The following TASOR2 variants were observed in gnomAD, a reference collection of about 807,000 sequenced individuals.
TASOR2 encodes the protein protein TASOR 2.
TASOR2 carries 84 observed loss-of-function variants against 199.5 expected under a neutral mutation model. The ratio of observed to expected loss-of-function variants is 0.42; its 90% CI spans 0.35 to 0.50. The LOEUF (loss-of-function observed/expected upper bound fraction) is 0.50. Ranked by LOEUF, TASOR2 falls within the 20% of genes least tolerant of loss-of-function variation. The pLI, the probability that TASOR2 is intolerant of heterozygous loss-of-function variation, is 0.02. For missense variants in TASOR2, 2,796 were observed against 2,835.9 expected, an observed-to-expected ratio of 0.99 and a Z score of 0.32; for synonymous variants, 1,103 against 1,046.6, an observed-to-expected ratio of 1.05 and a Z score of -1.04.
chr10:5,746,806 G>A lies in TASOR2; in HGVS notation c.3385G>A (p.Val1129Ile), dbSNP rs1370299638. The A allele has an allele frequency of 9.9e-6, 16 of 1,614,090 alleles. No homozygotes were observed. Among genetic ancestry groups the A allele is most frequent in the Non-Finnish European group, 1.4e-5 (16 of 1,180,038 alleles). The change falls in exon 15 of 21, where the codon GTA becomes ATA. Residue 1129 changes from valine (V) to isoleucine (I), a missense_variant. Physicochemically the swap from Val to Ile is conservative, Grantham distance 29. Transcript: ENST00000328090. ...CACTAAGTACCTTTGTGCCTCGTCAGTAGGTGGAGAGACACTTGATAAAGC... is the reference window on the plus strand; with the variant it reads ...CACTAAGTACCTTTGTGCCTCGTCAATAGGTGGAGAGACACTTGATAAAGC...
In TASOR2 at chr10:5,685,016, G is replaced by C. The variant is rs1269699358; in HGVS notation, c.-447G>C. ...GCTGGGGCGGACGGCGTGCCCCTGA[G>C]GGGGGTCCCCGCGGGAGCGCGGAGC... is the stretch of plus-strand genomic sequence containing the variant. On this transcript the variant is annotated 5_prime_UTR_variant, in exon 1 of 21. Transcript: ENST00000328090. This position sits in a 1 kb window ranked among gnomAD's most constrained non-coding sequence, Gnocchi z 5.4. The C allele has an allele frequency of 1.3e-5, 5 of 397,640 alleles. No individual in the cohort carries two copies. The highest frequency in any genetic ancestry group is 2.5e-4 in the South Asian group (2 of 7,864). The allele number at this position is 397,640 out of a possible 1,614,324, so 24.6% of individuals were successfully genotyped here. A position where few individuals can be genotyped will look rare whatever the true frequency, so the allele number is the denominator to read the frequency against.
Position 5,699,026 on chromosome 10 carries a change from C to G in TASOR2, c.-287-13797C>G, listed in dbSNP as rs996784553. Among the ~76,000 whole-genome samples, 5 of 152,156 alleles carry G rather than the reference C, an allele frequency of 3.3e-5. No individual in the cohort carries two copies. Among genetic ancestry groups the G allele is most frequent in the Non-Finnish European group, 5.9e-5 (4 of 68,012 alleles). Reference sequence around the variant, plus strand: ...AAACATGTTCACATAAAAACTTATACATGAATGCTCATAGCATAATTATTC... The same window carrying G: ...AAACATGTTCACATAAAAACTTATAGATGAATGCTCATAGCATAATTATTC... On this transcript the variant is annotated intron_variant, in intron 1 of 20. Coordinates refer to ENST00000328090, the Ensembl canonical transcript of TASOR2. The surrounding 1 kb of genome is among the most constrained non-coding windows in gnomAD (Gnocchi z 4.1).
Position 5,717,513 on chromosome 10 carries a change from C to T in TASOR2, c.-191-146C>T, listed in dbSNP as rs1564286641. 1.3e-5 allele frequency: 5 copies of T among 379,006 alleles called. No individual in the cohort carries two copies. The East Asian group carries it at 1.5e-4, about 11-fold the overall frequency. The allele number at this position is 379,006 out of a possible 1,614,324, so 23.5% of individuals were successfully genotyped here. ...GCCCTGAAGCCTGTCCTTTCTTCCT[C>T]GTTTTTCACTGCTGCTGCCTTGTTG... On this transcript the variant is annotated intron_variant, in intron 2 of 20. Transcript: ENST00000328090.
At chr10:5,760,101 T>TA (rs1564375295) in intron 18 of TASOR2, among the ~76,000 whole-genome samples, 1 of 152,196 alleles carries the variant, frequency 6.6e-6, no homozygotes, top group Non-Finnish European at 1.5e-5. Flanking sequence ...TGTGCAGACA[T>TA]AGAGTGTACT....
At chr10:5,712,867 G>A (rs1832092552) in exon 2 of TASOR2, 2 of 1,231,238 alleles carry the variant, frequency 1.6e-6, no homozygotes, top group African/African-American at 1.6e-5. Flanking sequence ...GTTATACTCA[G>A]GAAGAACTTC....
chr10:5,693,559 A>G lies in TASOR2; in HGVS notation c.-288+8384A>G, dbSNP rs570343382. Among the ~76,000 whole-genome samples, 155 of 152,262 alleles carry G rather than the reference A, an allele frequency of 1.0e-3. 1 individual carries two copies. Among genetic ancestry groups the G allele is most frequent in the African/African-American group, 3.6e-3 (148 of 41,534 alleles). ...ACGGGAAATGCTATTTGTTTTCTCT[A>G]CATTTTCTTCATTTAAAAAAAACCT... is the stretch of plus-strand genomic sequence containing the variant. On this transcript the variant is annotated intron_variant, in intron 1 of 20. Transcript: ENST00000328090.
At chr10:5,746,094 TTTCTG>T (rs752713397) in intron 14 of TASOR2, 80 bp from the exon 16 acceptor site, 402 of 1,376,776 alleles carry the variant, frequency 2.9e-4, no homozygotes, top group Non-Finnish European at 3.7e-4. Flanking sequence ...ATTTTTATCT[TTTCTG>T]TTCTTCACAT....
rs1428587706 is a variant in TASOR2, at chr10:5,685,004, G to T, written c.-459G>T. Reference sequence around the variant, plus strand: ...GAGGACCCCGGGGCTGGGGCGGACGGCGTGCCCCTGAGGGGGGTCCCCGCG... The same window carrying T: ...GAGGACCCCGGGGCTGGGGCGGACGTCGTGCCCCTGAGGGGGGTCCCCGCG... On this transcript the variant is annotated 5_prime_UTR_variant, in exon 1 of 21. Coordinates refer to ENST00000328090, the Ensembl canonical transcript of TASOR2. This position sits in a 1 kb window ranked among gnomAD's most constrained non-coding sequence, Gnocchi z 5.4. The T allele has an allele frequency of 2.5e-6, 1 of 397,618 alleles. No individual in the cohort carries two copies. The highest frequency in any genetic ancestry group is 4.4e-6 in the Non-Finnish European group (1 of 225,422). The allele number at this position is 397,618 out of a possible 1,614,324, so 24.6% of individuals were successfully genotyped here.
At chr10:5,703,157 G>A (rs893231883) in intron 1 of TASOR2, among the ~76,000 whole-genome samples, 8 of 152,124 alleles carry the variant, frequency 5.3e-5, no homozygotes, top group African/African-American at 1.9e-4. Context: ...TTCAGCAAAG[G>A]AATGAACTGC....
chr10:5,728,028 G>A (rs975197393), intron 10 of TASOR2, among the ~76,000 whole-genome samples: 1 of 151,738 alleles, frequency 6.6e-6, no homozygotes, highest in African/African-American at 2.4e-5. Context: ...TCTGAGACCA[G>A]CCTAGGCAAC....
At chr10:5,756,558 G>A in intron 15 of TASOR2, 55 bp from the exon 17 acceptor site, 1 of 1,581,964 alleles carries the variant, frequency 6.3e-7, no homozygotes, top group Non-Finnish European at 8.6e-7. Context: ...AAACTATACA[G>A]GTAGTTCTGT....
At chr10:5,758,560 G>T (rs1839308501) in intron 17 of TASOR2, among the ~76,000 whole-genome samples, 1 of 152,150 alleles carries the variant, frequency 6.6e-6, no homozygotes, top group Non-Finnish European at 1.5e-5. Flanking sequence ...TCTGTATTTA[G>T]AAACTTCATT....
intron 12 of TASOR2, among the ~76,000 whole-genome samples, chr10:5,736,731 C>T (rs1434121500): frequency 6.6e-6 from 1 of 152,158 alleles, no homozygotes; most frequent in African/African-American, 2.4e-5. Flanking sequence ...GAGACAAATA[C>T]CAGCTTTCCT....
chr10:5,731,248 G>T, intron 11 of TASOR2, 45 bp downstream of exon 12: 1 of 1,551,440 alleles, frequency 6.4e-7, no homozygotes, highest in Non-Finnish European at 8.7e-7. Context: ...AATAGTTGTG[G>T]CCAGGCGTTG....
At chr10:5,743,434 G>A (rs1441661305) in intron 14 of TASOR2, among the ~76,000 whole-genome samples, 3 of 152,156 alleles carry the variant, frequency 2.0e-5, no homozygotes, top group East Asian at 1.9e-4. Flanking sequence ...TCTCAAATAA[G>A]TTAAAGACTA....
chr10:5,760,327 C>CA lies in TASOR2; in HGVS notation c.6993-962dup, dbSNP rs1452308377. On this transcript the variant is annotated intron_variant, in intron 18 of 20. Transcript: ENST00000328090. ...TCATTATGTGGTACATGCCCGTACTCACTGCTGTTGGCGCTGCAGTATGCT... is the reference window on the plus strand; with the variant it reads ...TCATTATGTGGTACATGCCCGTACTCAACTGCTGTTGGCGCTGCAGTATGCT... Among the ~76,000 whole-genome samples the CA allele has an allele frequency of 2.0e-5, 3 of 152,324 alleles. No individual in the cohort carries two copies. The East Asian group carries it at 5.8e-4, about 29-fold the overall frequency.
rs9424221 is a variant in TASOR2, at chr10:5,689,377, G to A, written c.-288+4202G>A. Among the ~76,000 whole-genome samples the A allele has an allele frequency of 0.29, 43,539 of 152,034 alleles. 6,416 individuals are homozygous for A. The highest frequency in any genetic ancestry group is 0.35 in the South Asian group (1,684 of 4,820). Reference sequence around the variant, plus strand: ...AGCACTTTGGGTGGCCGAGGTGGGCGGATCAAGAGGTCAGGAGTTCAAGAC... The same window carrying A: ...AGCACTTTGGGTGGCCGAGGTGGGCAGATCAAGAGGTCAGGAGTTCAAGAC... On this transcript the variant is annotated intron_variant, in intron 1 of 20. Coordinates refer to ENST00000328090, the Ensembl canonical transcript of TASOR2. This position sits in a 1 kb window ranked among gnomAD's most constrained non-coding sequence, Gnocchi z 4.1.
intron 14 of TASOR2, among the ~76,000 whole-genome samples, chr10:5,743,444 A>G (rs1299233631): frequency 2.0e-5 from 3 of 152,260 alleles, no homozygotes; most frequent in South Asian, 2.1e-4. Flanking sequence ...GTTAAAGACT[A>G]TTAATCTCCC....
At chr10:5,707,681 C>T (rs1157997363) in intron 1 of TASOR2, among the ~76,000 whole-genome samples, 1 of 150,438 alleles carries the variant, frequency 6.6e-6, no homozygotes, top group African/African-American at 2.5e-5. Flanking sequence ...TCTGTCTCCC[C>T]CCCCAACCCC....
Sources: allele counts gnomAD v4.1 joint callset (sites outside exome capture counted in the v4.1 genomes callset), GRCh38; gene constraint gnomAD v4.1.1; non-coding constraint Gnocchi (gnomAD v3.1); transcripts MANE v1.5; gene names NCBI Gene and HGNC (gene_info 2026-07-23, HGNC 2026-07-21).